The following INSL6 variants were observed in gnomAD, a reference collection of about 807,000 sequenced individuals.
INSL6 encodes insulin-like peptide INSL6.
A neutral mutation model predicts 9.4 loss-of-function variants in INSL6; 16 were observed. That is an observed-to-expected ratio of 1.70 (90% CI 1.15 to 2.59). The LOEUF (loss-of-function observed/expected upper bound fraction) is 2.59. Ranked by LOEUF, INSL6 falls within the 30% of genes most tolerant of loss-of-function variation. INSL6 has a pLI of 0.00. For synonymous variants in INSL6, 154 were observed against 96.9 expected, an observed-to-expected ratio of 1.59 and a Z score of -3.46; for missense variants, 391 against 257.3, an observed-to-expected ratio of 1.52 and a Z score of -3.56.
the INSL6 span, among the ~76,000 whole-genome samples, chr9:5,076,907 A>G: frequency 2.6e-5 from 4 of 151,972 alleles, no homozygotes; most frequent in African/African-American, 9.7e-5. Context: ...GGAAGCCAAC[A>G]CTTGTTTTTC....
At chr9:5,111,074 G>A in the INSL6 span, 1 of 1,216,016 alleles carries the variant, frequency 8.2e-7, no homozygotes. Flanking sequence ...AACTGGCCCA[G>A]CTCAGGCTCC....
intron 1 of INSL6, among the ~76,000 whole-genome samples, chr9:5,169,093 A>C (rs1450152735): frequency 6.6e-6 from 1 of 152,028 alleles, no homozygotes; most frequent in African/African-American, 2.4e-5. Context: ...TGCCCGGCTA[A>C]TTTTGTATTT....
the INSL6 span, among the ~76,000 whole-genome samples, chr9:5,020,898 G>A: frequency 6.6e-6 from 1 of 152,074 alleles, no homozygotes; most frequent in Non-Finnish European, 1.5e-5. Flanking sequence ...TGTGGGTTGG[G>A]CTTTAAAAAT....
chr9:5,020,798 TG>T, the INSL6 span, among the ~76,000 whole-genome samples: 5 of 152,102 alleles, frequency 3.3e-5, no homozygotes, highest in Middle Eastern at 3.4e-3. Context: ...CAGCCAGCAA[TG>T]GAGGTGACTG....
intron 2 of INSL6, among the ~76,000 whole-genome samples, chr9:5,134,744 T>C (rs1824359554): frequency 6.6e-6 from 1 of 152,282 alleles, no homozygotes; most frequent in East Asian, 1.9e-4. Context: ...TGCCAAATTG[T>C]AAAGACCATC....
the INSL6 span, chr9:5,022,033 A>G: frequency 6.2e-7 from 1 of 1,614,004 alleles, no homozygotes; most frequent in South Asian, 1.1e-5. Context: ...GGGAACATCC[A>G]CCTCTTCTAT....
intron 2 of INSL6, among the ~76,000 whole-genome samples, chr9:5,140,290 C>A (rs1191193334): frequency 1.3e-5 from 2 of 152,070 alleles, no homozygotes; most frequent in Admixed American, 1.3e-4. Context: ...CAGAACTCAT[C>A]ATATTTTCTC....
chr9:5,029,659 ACTG>A, the INSL6 span: 10 of 777,590 alleles, frequency 1.3e-5, no homozygotes, highest in African/African-American at 5.3e-5. Context: ...AAAGATTTCG[ACTG>A]CTATTACATT....
the INSL6 span, among the ~76,000 whole-genome samples, chr9:5,059,876 C>A: frequency 1.3e-5 from 2 of 152,086 alleles, no homozygotes; most frequent in Non-Finnish European, 2.9e-5. Flanking sequence ...CAGTCTTTTG[C>A]ACATTTTTCA....
At chr9:5,025,720 A>G in the INSL6 span, among the ~76,000 whole-genome samples, 255 of 151,988 alleles carry the variant, frequency 1.7e-3, 2 homozygotes, top group South Asian at 3.9e-3. Flanking sequence ...TTTGGTAGAG[A>G]CGGGGTTTGC....
downstream of INSL6, among the ~76,000 whole-genome samples, chr9:5,122,738 T>A (rs181736088): frequency 6.6e-6 from 1 of 151,950 alleles, no homozygotes; most frequent in Non-Finnish European, 1.5e-5. Flanking sequence ...AGAAGAAAAG[T>A]AGATGTCAGC....
chr9:5,147,215 C>T (rs756346901), intron 2 of INSL6, among the ~76,000 whole-genome samples: 2 of 152,054 alleles, frequency 1.3e-5, no homozygotes, highest in East Asian at 3.9e-4. Flanking sequence ...GCAATCAGCC[C>T]AGGATGGAGG....
At chr9:5,179,210 CAG>C (rs886705861) in intron 1 of INSL6, among the ~76,000 whole-genome samples, 2 of 152,138 alleles carry the variant, frequency 1.3e-5, no homozygotes, top group Middle Eastern at 3.4e-3. Flanking sequence ...AAGACATGAA[CAG>C]AGAGTTCTCA....
At chr9:5,064,838 T>C in the INSL6 span, 2 of 1,403,800 alleles carry the variant, frequency 1.4e-6, no homozygotes, top group Admixed American at 2.5e-5. Flanking sequence ...TAACATGGAG[T>C]TGACTTTCTA....
chr9:5,120,949 A>T (rs1156380959), downstream of INSL6, among the ~76,000 whole-genome samples: 1 of 152,192 alleles, frequency 6.6e-6, no homozygotes, highest in Non-Finnish European at 1.5e-5. Flanking sequence ...AAATGTTCTA[A>T]AAGTCTGGAG....
At chr9:5,133,997 C>T (rs992015545) in intron 2 of INSL6, among the ~76,000 whole-genome samples, 2 of 152,110 alleles carry the variant, frequency 1.3e-5, no homozygotes, top group African/African-American at 4.8e-5. Context: ...TAGAGAAGAA[C>T]ATAAATGACA....
chr9:5,107,257 T>A, the INSL6 span, among the ~76,000 whole-genome samples: 2 of 152,106 alleles, frequency 1.3e-5, no homozygotes, highest in Non-Finnish European at 2.9e-5. Flanking sequence ...AACCGACACC[T>A]TACTGGCCCT....
chr9:5,005,542 T>G, the INSL6 span, among the ~76,000 whole-genome samples: 3 of 152,164 alleles, frequency 2.0e-5, no homozygotes, highest in Non-Finnish European at 4.4e-5. Flanking sequence ...TCTTTTAAAG[T>G]GTTATTGGAT....
the INSL6 span, among the ~76,000 whole-genome samples, chr9:5,043,509 G>A: frequency 1.3e-5 from 2 of 152,206 alleles, no homozygotes; most frequent in African/African-American, 2.4e-5. Flanking sequence ...GGAATGTAAA[G>A]TGGTGCTGCT....
Sources: allele counts gnomAD v4.1 joint callset (sites outside exome capture counted in the v4.1 genomes callset), GRCh38; gene constraint gnomAD v4.1.1; transcripts MANE v1.5; gene names NCBI Gene and HGNC (gene_info 2026-07-23, HGNC 2026-07-21).